CSMD3: variants seen among roughly 807,000 people sequenced by gnomAD.
CSMD3 encodes CUB and sushi domain-containing protein 3.
A neutral mutation model predicts 435.2 loss-of-function variants in CSMD3; 177 were observed. The ratio of observed to expected loss-of-function variants is 0.41; its 90% CI spans 0.36 to 0.46. The LOEUF (loss-of-function observed/expected upper bound fraction) is 0.46, where lower values mean the gene tolerates loss of function less well. CSMD3 is among the 20% of genes least tolerant of loss of function. The pLI, the probability that CSMD3 is intolerant of heterozygous loss-of-function variation, is 0.34. For synonymous variants in CSMD3, 1,656 were observed against 1,520.5 expected (o/e 1.09, Z -2.07); for missense variants, 4,265 against 4,504.6 (o/e 0.95, Z 1.52).
chr8:112,347,951 T>C (rs1248378185), intron 40 of CSMD3, among the ~76,000 whole-genome samples: 3 of 152,246 alleles, frequency 2.0e-5, no homozygotes, highest in Non-Finnish European at 4.4e-5. Context: ...CTTCTAATTC[T>C]GTTACTTTCT....
At chr8:112,778,012 C>T (rs1014411392) in intron 13 of CSMD3, among the ~76,000 whole-genome samples, 1 of 151,728 alleles carries the variant, frequency 6.6e-6, no homozygotes, top group Non-Finnish European at 1.5e-5. Context: ...TATTTGTGGA[C>T]AACTTTGGAA....
chr8:112,755,288 G>A (rs562158631), intron 13 of CSMD3, among the ~76,000 whole-genome samples: 5 of 151,408 alleles, frequency 3.3e-5, no homozygotes, highest in African/African-American at 4.8e-5. Flanking sequence ...CCGAGATTGC[G>A]CCACAGAACT....
chr8:112,577,089 T>C (rs958921359), intron 23 of CSMD3, among the ~76,000 whole-genome samples: 12 of 152,058 alleles, frequency 7.9e-5, no homozygotes, highest in African/African-American at 2.7e-4. Context: ...AACTGGATCA[T>C]TCAACTGTTA....
chr8:113,168,447 G>A (rs538547096), intron 4 of CSMD3, among the ~76,000 whole-genome samples: 15 of 146,362 alleles, frequency 1.0e-4, no homozygotes, highest in African/African-American at 3.8e-4. Flanking sequence ...CTTGAACCTG[G>A]GAGGCAGAGG....
At chr8:112,753,974 A>G (rs903667917) in intron 13 of CSMD3, among the ~76,000 whole-genome samples, 30 of 118,674 alleles carry the variant, frequency 2.5e-4, no homozygotes, top group African/African-American at 7.6e-4. Flanking sequence ...TTTGAGAAAG[A>G]AGAATGGAGC....
At chr8:113,012,359 C>T (rs2086286402) in intron 6 of CSMD3, among the ~76,000 whole-genome samples, 1 of 151,870 alleles carries the variant, frequency 6.6e-6, no homozygotes, top group Non-Finnish European at 1.5e-5. Context: ...GTTCCATCTA[C>T]AATCTTTACC....
intron 22 of CSMD3, among the ~76,000 whole-genome samples, chr8:112,590,138 G>T (rs1286486389): frequency 6.6e-6 from 1 of 152,076 alleles, no homozygotes; most frequent in Admixed American, 6.6e-5. Flanking sequence ...AAATTTATAG[G>T]TTGATTCCAT....
intron 4 of CSMD3, among the ~76,000 whole-genome samples, chr8:113,153,090 A>G (rs1309834776): frequency 1.0e-5 from 1 of 96,662 alleles, no homozygotes; most frequent in Non-Finnish European, 1.9e-5. Context: ...GAAAGAAAGA[A>G]AGAAAGAAAG....
intron 10 of CSMD3, among the ~76,000 whole-genome samples, chr8:112,890,997 T>C (rs185647391): frequency 2.6e-5 from 4 of 151,812 alleles, no homozygotes; most frequent in Non-Finnish European, 4.4e-5. Flanking sequence ...ATGAAATACA[T>C]ACATCTATAC....
chr8:112,465,991 A>G (rs916517136), intron 32 of CSMD3, among the ~76,000 whole-genome samples: 26 of 150,130 alleles, frequency 1.7e-4, no homozygotes, highest in Non-Finnish European at 2.4e-4. Context: ...AAAAAAAAAG[A>G]GTTCCCTGTT....
chr8:112,909,189 A>C (rs183036508), intron 10 of CSMD3, among the ~76,000 whole-genome samples: 1 of 151,704 alleles, frequency 6.6e-6, no homozygotes, highest in Admixed American at 6.6e-5. Flanking sequence ...CACTGAAATA[A>C]AAGTTTACCC....
At chr8:113,142,825 C>T (rs1257376306) in intron 4 of CSMD3, among the ~76,000 whole-genome samples, 1 of 148,826 alleles carries the variant, frequency 6.7e-6, no homozygotes, top group Non-Finnish European at 1.5e-5. Context: ...TGATTATTAC[C>T]CATTGTATGC....
chr8:113,401,441 T>C (rs962431894), intron 1 of CSMD3, among the ~76,000 whole-genome samples: 8 of 151,694 alleles, frequency 5.3e-5, no homozygotes, highest in Non-Finnish European at 1.0e-4. Context: ...GTAAAGGGCA[T>C]TTAAATTGTA....
Position 113,300,561 on chromosome 8 carries a change from A to G in CSMD3, c.401+14010T>C, listed in dbSNP as rs143254207. Among the ~76,000 whole-genome samples, 932 of 152,278 alleles carry G rather than the reference A, an allele frequency of 6.1e-3. 2 individuals carry two copies. The highest frequency in any genetic ancestry group is 9.1e-3 in the Non-Finnish European group (618 of 68,026). The stretch of plus-strand genomic sequence containing the variant: ...AGCCACCTGGATACAGTTGGAGGCC[A>G]TTATCCTAAGCAAATTAATGCAAGA... On this transcript the variant is annotated intron_variant, in intron 2 of 70. Coordinates refer to ENST00000297405, the MANE Select transcript of CSMD3 (RefSeq NM_198123.2).
intron 4 of CSMD3, among the ~76,000 whole-genome samples, chr8:113,164,394 G>A (rs986740997): frequency 2.0e-5 from 3 of 148,934 alleles, no homozygotes; most frequent in Admixed American, 1.3e-4. Context: ...AATGGAAATT[G>A]CCTTGGTCAA....
chr8:112,240,255 T>G (rs1172142705), intron 66 of CSMD3, among the ~76,000 whole-genome samples: 1 of 152,100 alleles, frequency 6.6e-6, no homozygotes, highest in Non-Finnish European at 1.5e-5. Context: ...ATTTGTTTAA[T>G]TTAATTTATT....
At chr8:113,166,042 G>T (rs1410782962) in intron 4 of CSMD3, among the ~76,000 whole-genome samples, 3 of 151,964 alleles carry the variant, frequency 2.0e-5, no homozygotes, top group Non-Finnish European at 4.4e-5. Context: ...GGATCTTTTT[G>T]CATGAAATTA....
intron 32 of CSMD3, among the ~76,000 whole-genome samples, chr8:112,425,279 T>C (rs952952220): frequency 1.3e-5 from 2 of 152,232 alleles, no homozygotes; most frequent in African/African-American, 2.4e-5. Context: ...AAGGTTATAT[T>C]CTAATTTTAA....
chr8:113,032,424 G>T (rs2087152709), intron 5 of CSMD3, among the ~76,000 whole-genome samples: 1 of 151,634 alleles, frequency 6.6e-6, no homozygotes, highest in Non-Finnish European at 1.5e-5. Flanking sequence ...GCTTAGCAAA[G>T]ACTCTGGTGG....
Sources: allele counts gnomAD v4.1 joint callset (sites outside exome capture counted in the v4.1 genomes callset), GRCh38; gene constraint gnomAD v4.1.1; transcripts MANE v1.5; gene names NCBI Gene and HGNC (gene_info 2026-07-23, HGNC 2026-07-21).